The following HOOK1 variants were observed in gnomAD, a reference collection of about 807,000 sequenced individuals.
HOOK1 encodes the protein protein Hook homolog 1.
In HOOK1, 60 loss-of-function variants were observed where a neutral mutation model predicts 112.8. The observed-to-expected ratio is 0.53, with a 90% CI of 0.43 to 0.66. The LOEUF is 0.66. Ranked by LOEUF, HOOK1 falls within the 30% of genes least tolerant of loss-of-function variation. The probability of loss-of-function intolerance (pLI) is 0.00; values close to 1 mark genes in which losing one functional copy is unlikely to be tolerated. For synonymous variants in HOOK1, 294 were observed against 283.8 expected (o/e 1.04, Z -0.36); for missense variants, 770 against 856.0 (o/e 0.90, Z 1.25).
At chr1:59,839,803 T>G (rs1254446894) in intron 7 of HOOK1, among the ~76,000 whole-genome samples, 1 of 152,224 alleles carries the variant, frequency 6.6e-6, no homozygotes, top group Non-Finnish European at 1.5e-5. Context: ...TTTTGCCCAT[T>G]CAGTATGATA....
chr1:59,832,871 A>G (rs1206682463), intron 4 of HOOK1, among the ~76,000 whole-genome samples: 1 of 152,114 alleles, frequency 6.6e-6, no homozygotes, highest in African/African-American at 2.4e-5. Flanking sequence ...TTTTCAATTT[A>G]TTAAATACCT....
intron 1 of HOOK1, among the ~76,000 whole-genome samples, chr1:59,820,099 AC>A (rs1240337776): frequency 6.6e-6 from 1 of 152,180 alleles, no homozygotes; most frequent in Non-Finnish European, 1.5e-5. Flanking sequence ...ATTTTTCATC[AC>A]CCAGAGCAGT....
chr1:59,824,720 T>C (rs548856000), intron 2 of HOOK1, among the ~76,000 whole-genome samples: 6 of 152,342 alleles, frequency 3.9e-5, no homozygotes, highest in African/African-American at 1.4e-4. Context: ...AACTTAGACA[T>C]AAAGAGTCAT....
chr1:59,831,289 C>G (rs1008574490), intron 3 of HOOK1, among the ~76,000 whole-genome samples: 6 of 152,084 alleles, frequency 3.9e-5, no homozygotes, highest in Non-Finnish European at 8.8e-5. Context: ...GTTATTCTTT[C>G]CTTTAGGACT....
At position 59,876,176 on chromosome 1, in the gene HOOK1, G is replaced by A. The variant is rs898203330; in HGVS notation, c.*3211G>A. The A allele has an allele frequency of 1.3e-5, 2 of 152,576 alleles. No homozygotes were observed. Among genetic ancestry groups the A allele is most frequent in the African/African-American group, 4.8e-5 (2 of 41,422 alleles). 9.5% of individuals were successfully genotyped at this position (152,576 alleles called of 1,614,324 possible). On this transcript the variant is annotated 3_prime_UTR_variant, in exon 22 of 22. Transcript: ENST00000371208. ...AAAGAGTGTGGAGTTATTAAATGAT[G>A]TAGCACAAATGTAATGTTTAGCTTA...
chr1:59,853,863 CT>C (rs1216864900), intron 12 of HOOK1, among the ~76,000 whole-genome samples: 1 of 150,874 alleles, frequency 6.6e-6, no homozygotes, highest in African/African-American at 2.4e-5. Context: ...AAAATAAAAA[CT>C]TTTCCTCCCC....
chr1:59,831,707 T>C (rs753354026), intron 3 of HOOK1, among the ~76,000 whole-genome samples: 9 of 152,198 alleles, frequency 5.9e-5, no homozygotes, highest in Admixed American at 4.6e-4. Flanking sequence ...AGTCTGAAAA[T>C]TGCCTCAAGA....
At chr1:59,856,576 ATCAGACTTTT>A (rs1212883576) in intron 12 of HOOK1, among the ~76,000 whole-genome samples, 1 of 152,040 alleles carries the variant, frequency 6.6e-6, no homozygotes, top group African/African-American at 2.4e-5. Context: ...AAATCTGGAA[ATCAGACTTTT>A]TCCATTCTTA....
At chr1:59,868,495 C>T (rs1465863362) in intron 20 of HOOK1, 144 bp downstream of exon 20, 1 of 649,598 alleles carries the variant, frequency 1.5e-6, no homozygotes, top group African/African-American at 1.8e-5. Context: ...TATTACAAAG[C>T]ATCTCACTGG....
intron 1 of HOOK1, among the ~76,000 whole-genome samples, chr1:59,815,797 C>A (rs1047763356): frequency 6.6e-6 from 1 of 151,630 alleles, no homozygotes; most frequent in African/African-American, 2.4e-5. Context: ...GTCGTTTTCC[C>A]TTTTTCTCGC....
chr1:59,845,945 T>A (rs2098403537), intron 9 of HOOK1, among the ~76,000 whole-genome samples: 1 of 151,932 alleles, frequency 6.6e-6, no homozygotes, highest in Non-Finnish European at 1.5e-5. Flanking sequence ...TATTTCTTTC[T>A]TAAATTTTGA....
intron 4 of HOOK1, among the ~76,000 whole-genome samples, chr1:59,832,619 CAAAAT>C (rs1412267151): frequency 2.0e-5 from 3 of 151,858 alleles, no homozygotes; most frequent in Admixed American, 1.3e-4. Flanking sequence ...GGAAAAAATG[CAAAAT>C]AAAAGTAGTA....
chr1:59,837,792 C>T (rs1164670059), intron 7 of HOOK1, among the ~76,000 whole-genome samples: 3 of 152,058 alleles, frequency 2.0e-5, no homozygotes, highest in Non-Finnish European at 4.4e-5. Flanking sequence ...GTTTGCTGCA[C>T]CCGTCAACCT....
chr1:59,821,758 T>C, intron 1 of HOOK1, 100 bp from the exon 2 acceptor site: 1 of 820,466 alleles, frequency 1.2e-6, no homozygotes. Flanking sequence ...TGTTTTTTTT[T>C]TTTGTTTTTT....
intron 11 of HOOK1, 42 bp from the exon 12 acceptor site, chr1:59,849,031 T>C (rs2294946): frequency 0.089 from 108,978 of 1,223,410 alleles, 5,485 homozygotes; most frequent in African/African-American, 0.2. Context: ...TATACACTTA[T>C]ATACTTTTAA....
In HOOK1 at chr1:59,860,201, C is replaced by T. The variant is rs749086959; in HGVS notation, c.1405C>T (p.Arg469Ter). 12 of 1,599,452 alleles carry T rather than the reference C, an allele frequency of 7.5e-6. No homozygotes were observed. Among genetic ancestry groups the T allele is most frequent in the East Asian group, 4.5e-5 (2 of 44,466 alleles). The change falls in exon 15 of 22, where the codon CGA becomes TGA. Residue 469 changes from arginine (R) to a stop codon, truncating the protein, a stop_gained. Transcript: ENST00000371208. LOFTEE classifies it high-confidence loss of function. Reference protein sequence around the residue: ...MPVEYREVFIRLQHENKMLRL... With the variant: ...MPVEYREVFI Reference sequence around the variant, plus strand: ...TTGTAACATCAGGGAGGTGTTTATTCGACTGCAACATGAAAATAAGATGCT... The same window carrying T: ...TTGTAACATCAGGGAGGTGTTTATTTGACTGCAACATGAAAATAAGATGCT...
At chr1:59,869,759 G>A (rs1644025453) in intron 20 of HOOK1, among the ~76,000 whole-genome samples, 3 of 152,204 alleles carry the variant, frequency 2.0e-5, no homozygotes, top group Non-Finnish European at 2.9e-5. Context: ...AAAAGCACTG[G>A]GTAGGGAGAT....
At chr1:59,856,539 C>T (rs1023362722) in intron 12 of HOOK1, among the ~76,000 whole-genome samples, 1 of 150,868 alleles carries the variant, frequency 6.6e-6, no homozygotes, top group Non-Finnish European at 1.5e-5. Context: ...TGTTGAAAAT[C>T]TGACATTTAA....
intron 7 of HOOK1, among the ~76,000 whole-genome samples, chr1:59,839,586 T>G (rs1230859993): frequency 6.6e-6 from 1 of 152,208 alleles, no homozygotes. Flanking sequence ...AAGGAGATTT[T>G]GGGCTGGTAC....
Sources: gnomAD v4.1 joint callset for allele counts (sites outside exome capture counted in the v4.1 genomes callset) on GRCh38, gnomAD v4.1.1 for gene constraint, MANE v1.5 for transcripts, NCBI Gene and HGNC (gene_info 2026-07-23, HGNC 2026-07-21) for gene names.